Variants in LYST observed in about 807,000 individuals in gnomAD.
LYST encodes lysosomal-trafficking regulator.
In LYST, 192 loss-of-function variants were observed where a neutral mutation model predicts 413.6. The ratio of observed to expected loss-of-function variants is 0.46; its 90% CI spans 0.41 to 0.52. The LOEUF (loss-of-function observed/expected upper bound fraction) is 0.52, where lower values mean the gene tolerates loss of function less well. Among genes scored for constraint, LYST ranks in the 20% least tolerant of loss-of-function variants. LYST has a pLI of 0.00. For missense variants in LYST, 3,815 were observed against 4,499.9 expected, an observed-to-expected ratio of 0.85 and a Z score of 4.35; for synonymous variants, 1,525 against 1,567.3, an observed-to-expected ratio of 0.97 and a Z score of 0.64.
At chr1:235,803,446 T>C (rs1672464534) in intron 7 of LYST, among the ~76,000 whole-genome samples, 1 of 152,132 alleles carries the variant, frequency 6.6e-6, no homozygotes, top group South Asian at 2.1e-4. Flanking sequence ...AAAAAGATTT[T>C]TTCATAAGGA....
At chr1:235,814,767 G>T (rs1188486625) in intron 3 of LYST, among the ~76,000 whole-genome samples, 1 of 152,050 alleles carries the variant, frequency 6.6e-6, no homozygotes, top group Non-Finnish European at 1.5e-5. Context: ...TTGTGAAAAG[G>T]CTCAGAATTC....
intron 1 of LYST, among the ~76,000 whole-genome samples, chr1:235,836,981 A>G (rs1450430363): frequency 6.6e-6 from 1 of 152,202 alleles, no homozygotes. Flanking sequence ...AAGCCATGGA[A>G]CTAGACAGAT....
chr1:235,721,946 A>C (rs933621180), intron 39 of LYST, among the ~76,000 whole-genome samples: 1 of 152,218 alleles, frequency 6.6e-6, no homozygotes, highest in Non-Finnish European at 1.5e-5. Flanking sequence ...AGAGAAAAAC[A>C]GACCAAAGTA....
chr1:235,703,829 G>C (rs1558133424), intron 44 of LYST, among the ~76,000 whole-genome samples: 1 of 152,074 alleles, frequency 6.6e-6, no homozygotes, highest in East Asian at 1.9e-4. Context: ...AGTCACAGGG[G>C]TTTGTTGTAC....
chr1:235,738,435 A>AG (rs1665013924), intron 31 of LYST: 20 of 1,613,090 alleles, frequency 1.2e-5, no homozygotes, highest in Non-Finnish European at 1.7e-5. Flanking sequence ...TTTGACCTAT[A>AG]GTGGCTTGGA....
At chr1:235,737,916 A>ATGGTGAGC in intron 31 of LYST, 19 of 1,163,402 alleles carry the variant, frequency 1.6e-5, no homozygotes, top group Admixed American at 1.3e-4. Context: ...GCTGCCGACG[A>ATGGTGAGC]GTCTGGATCT....
chr1:235,728,025 T>A (rs1664048023), intron 38 of LYST, 51 bp downstream of exon 38: 2 of 1,286,876 alleles, frequency 1.6e-6, no homozygotes, highest in Admixed American at 1.7e-5. Flanking sequence ...ATTGATACAT[T>A]TTTGGAATCT....
rs185035567 is a variant in LYST at position 235,853,849 on chromosome 1, A to G, written c.-98+12994T>C. 1.1e-3 allele frequency among the ~76,000 whole-genome samples: 169 copies of G among 152,306 alleles called. 1 individual carries two copies. The highest frequency in any genetic ancestry group is 3.8e-3 in the African/African-American group (156 of 41,558). ...AAAACGCACCAAACTTAAGCCTTTC[A>G]ACAGGTAGTTCATTTTTCCTAAAAA... On this transcript the variant is annotated intron_variant, in intron 1 of 52. Transcript: ENST00000389793.
intron 8 of LYST, among the ~76,000 whole-genome samples, chr1:235,801,978 G>C (rs139923692): frequency 1.3e-5 from 2 of 151,952 alleles, no homozygotes; most frequent in Non-Finnish European, 2.9e-5. Context: ...GGTGGATCAC[G>C]AAGTCAGGAG....
At chr1:235,791,196 C>T (rs754676044) in intron 12 of LYST, among the ~76,000 whole-genome samples, 65 of 152,046 alleles carry the variant, frequency 4.3e-4, no homozygotes, top group African/African-American at 1.5e-3. Context: ...GCAGGAGAAT[C>T]GCTTGAACCT....
intron 31 of LYST, 51 bp from the exon 32 acceptor site, chr1:235,734,710 TTTAAATTAC>T: frequency 8.2e-7 from 1 of 1,214,384 alleles, no homozygotes; most frequent in South Asian, 1.3e-5. Context: ...AATTCTTACA[TTTAAATTAC>T]TTAGTAGTAA....
chr1:235,806,002 C>CT lies in LYST; in HGVS notation c.3133dup (p.Ser1045LysfsTer2), dbSNP rs763302801. ...ACCTAGTTCTGATGGTATGGGGTCACTTTTTATAGCCAAAGATAATAAATC... is the reference window on the plus strand; with the variant it reads ...ACCTAGTTCTGATGGTATGGGGTCACTTTTTTATAGCCAAAGATAATAAATC... On this transcript the variant is annotated frameshift_variant, in exon 6 of 53. Transcript: ENST00000389793. LOFTEE classifies it high-confidence loss of function. The CT allele has an allele frequency of 1.2e-6, 2 of 1,613,940 alleles. No homozygotes were observed. The highest frequency in any genetic ancestry group is 1.7e-6 in the Non-Finnish European group (2 of 1,179,906).
Position 235,804,645 on chromosome 1 carries a change from T to TATTA in LYST, c.3413_3414insTAAT (p.Leu1139AsnfsTer4). ...AAAGATGGTCCCTCATTTCAAATAA[T>TATTA]ATACTTTCCACAGACAAGTTCTAAG... is the stretch of plus-strand genomic sequence containing the variant. On this transcript the variant is annotated frameshift_variant, in exon 7 of 53. Transcript: ENST00000389793. LOFTEE classifies it high-confidence loss of function. The TATTA allele has an allele frequency of 6.2e-7, 1 of 1,606,582 alleles. No homozygotes were observed. The highest frequency in any genetic ancestry group is 8.5e-7 in the Non-Finnish European group (1 of 1,173,766).
chr1:235,808,650 T>A lies in LYST; in HGVS notation c.2168A>T (p.Asn723Ile). Residue 723 changes from asparagine (N) to isoleucine (I), a missense_variant, in exon 5 of 53, where the codon AAT (asparagine) becomes ATT (isoleucine). Asn to Ile is a moderately radical substitution (Grantham distance 149). This residue lies in a region of LYST where 1,648 missense variants were observed against 1,810.3 expected (regional missense o/e 0.91). Transcript: ENST00000389793. ...NHICNLIQKGNIVVQWKLYNY... is the reference protein window; with the variant it reads ...NHICNLIQKGIIVVQWKLYNY... ...ATATAATTTCCACTGAACAACTATA[T>A]TGCCTTTCTGGATTAAATTGCAAAT... is the stretch of plus-strand genomic sequence containing the variant. 6.2e-7 allele frequency: 1 copy of A among 1,613,374 alleles called. No individual in the cohort carries two copies. The highest frequency in any genetic ancestry group is 8.5e-7 in the Non-Finnish European group (1 of 1,179,414).
Position 235,759,056 on chromosome 1 carries a change from A to G in LYST, c.6797T>C (p.Val2266Ala), listed in dbSNP as rs1423436289. Reference protein sequence around the residue: ...SAAVGRWPSLVDRNTDDWENF... With the variant: ...SAAVGRWPSLADRNTDDWENF... ...TTCCCAATCATCAGTGTTTCTATCA[A>G]CAAGACTTGGCCAACGGCCAACAGC... Residue 2266 changes from valine (V) to alanine (A), a missense_variant, in exon 23 of 53, where the codon GTT becomes GCT. This residue lies in a region of LYST where 771 missense variants were observed against 837.1 expected (regional missense o/e 0.92). Transcript: ENST00000389793. 2.5e-6 allele frequency: 4 copies of G among 1,614,120 alleles called. No individual in the cohort carries two copies. Among genetic ancestry groups the G allele is most frequent in the Non-Finnish European group, 3.4e-6 (4 of 1,179,998 alleles).
rs920665722 is a variant in LYST, at chr1:235,737,891, G to A, written c.8359-3232C>T. On this transcript the variant is annotated intron_variant, in intron 31 of 52. Coordinates refer to ENST00000389793, the MANE Select transcript of LYST (RefSeq NM_000081.4). ...TTGACTGACTGTATTTAAAGGTAGC[G>A]AAGGTGCTGGAGCCGCTGCCGACGA... is the stretch of plus-strand genomic sequence containing the variant. 3.6e-5 allele frequency: 41 copies of A among 1,126,734 alleles called. No individual in the cohort carries two copies. In the African/African-American group the frequency reaches 5.1e-4, roughly 14 times the overall value. 69.8% of individuals were successfully genotyped at this position (1,126,734 alleles called of 1,614,324 possible). A position where few individuals can be genotyped will look rare whatever the true frequency, so the allele number is the denominator to read the frequency against.
chr1:235,777,698 T>C (rs1669414605), intron 16 of LYST, among the ~76,000 whole-genome samples: 1 of 152,154 alleles, frequency 6.6e-6, no homozygotes, highest in Non-Finnish European at 1.5e-5. Context: ...TATTTGAAAT[T>C]TTTGCTTTGC....
At chr1:235,862,349 T>C (rs1679975458) in intron 1 of LYST, among the ~76,000 whole-genome samples, 1 of 152,240 alleles carries the variant, frequency 6.6e-6, no homozygotes, top group African/African-American at 2.4e-5. Flanking sequence ...TCAACTGTGG[T>C]CTGAAAATAT....
intron 1 of LYST, among the ~76,000 whole-genome samples, chr1:235,841,606 G>C (rs1677215064): frequency 6.6e-6 from 1 of 152,194 alleles, no homozygotes; most frequent in Non-Finnish European, 1.5e-5. Context: ...AGATACTGAA[G>C]ACAGGGGCAA....
Sources: gnomAD v4.1 joint callset for allele counts (sites outside exome capture counted in the v4.1 genomes callset) on GRCh38, gnomAD v4.1.1 for gene constraint, gnomAD v4.1.1 regional missense constraint, MANE v1.5 for transcripts, NCBI Gene and HGNC (gene_info 2026-07-23, HGNC 2026-07-21) for gene names.